Variants in PIK3R6 observed in about 807,000 individuals in gnomAD.
PIK3R6 encodes the protein phosphoinositide-3-kinase regulatory subunit 6.
In PIK3R6, 91 loss-of-function variants were observed where a neutral mutation model predicts 84.9. The ratio of observed to expected loss-of-function variants is 1.07; its 90% CI spans 0.90 to 1.28. PIK3R6 has a LOEUF of 1.28. Among genes scored for constraint, PIK3R6 ranks in the 50% most tolerant of loss-of-function variants. PIK3R6 has a pLI of 0.00. For missense variants in PIK3R6, 996 were observed against 985.1 expected, an observed-to-expected ratio of 1.01 and a Z score of -0.15; for synonymous variants, 416 against 411.4, an observed-to-expected ratio of 1.01 and a Z score of -0.13.
chr17:8,822,800 G>T, intron 15 of PIK3R6, 143 bp from the exon 16 acceptor site: 3 of 997,568 alleles, frequency 3.0e-6, no homozygotes, highest in South Asian at 1.5e-5. Context: ...ACCTCCGGGG[G>T]CCAGGATGCC....
At chr17:8,810,296 T>G (rs1460152162) in intron 18 of PIK3R6, among the ~76,000 whole-genome samples, 1 of 147,636 alleles carries the variant, frequency 6.8e-6, no homozygotes, top group Non-Finnish European at 1.5e-5. Context: ...GAAAGACCTG[T>G]CCCCATGATT....
intron 1 of PIK3R6, among the ~76,000 whole-genome samples, chr17:8,852,685 G>C (rs987244323): frequency 2.0e-5 from 3 of 149,762 alleles, no homozygotes; most frequent in African/African-American, 7.5e-5. Context: ...GTTGTAGTGA[G>C]TCAAGATGTC....
At chr17:8,838,078 G>A (rs1394279151) in intron 4 of PIK3R6, among the ~76,000 whole-genome samples, 3 of 152,142 alleles carry the variant, frequency 2.0e-5, no homozygotes, top group Non-Finnish European at 2.9e-5. Flanking sequence ...TGGGAGCGTG[G>A]GGGGGCCTCA....
At chr17:8,804,007 C>G (rs2087123204) in intron 19 of PIK3R6, 34 bp downstream of exon 19, 1 of 1,569,266 alleles carries the variant, frequency 6.4e-7, no homozygotes, top group Non-Finnish European at 8.8e-7. Flanking sequence ...TCCCACGGGC[C>G]CTGGACATCT....
At chr17:8,820,556 G>T (rs1044262804) in intron 17 of PIK3R6, among the ~76,000 whole-genome samples, 2 of 152,212 alleles carry the variant, frequency 1.3e-5, no homozygotes, top group African/African-American at 4.8e-5. Context: ...CCACTTCTAG[G>T]TTAAGAGCTA....
intron 3 of PIK3R6, among the ~76,000 whole-genome samples, chr17:8,838,988 G>C (rs567753811): frequency 1.8e-4 from 27 of 152,344 alleles, no homozygotes; most frequent in African/African-American, 4.1e-4. Context: ...CATTCTGGAA[G>C]TCCTGCAGGC....
At chr17:8,827,764 GAGAGAGA>G (rs2087986446) in intron 12 of PIK3R6, among the ~76,000 whole-genome samples, 1 of 5,000 alleles carries the variant, frequency 2.0e-4, no homozygotes, top group African/African-American at 1.2e-3. Context: ...AGAGAGAGAG[GAGAGAGA>G]GAGAGAGAGA....
In PIK3R6 at chr17:8,821,859, G is replaced by C. The variant is rs970919540; in HGVS notation, c.1866C>G (p.Ala622=). The C allele has an allele frequency of 1.9e-6, 3 of 1,595,506 alleles. No homozygotes were observed. Among genetic ancestry groups the C allele is most frequent in the African/African-American group, 1.3e-5 (1 of 74,548 alleles). ...ATGLILKAIP[A]SDTEVSGSSH... is the part of the protein sequence containing the mutation. ...CCCATTCCTCACCTTCTGTGTCGCT[G>C]GCTGGAATGGCCTTCAGGATCAGCC... The change falls in exon 17 of 20, where the codon GCC becomes GCG. Residue 622 remains alanine, a synonymous_variant. Transcript: ENST00000619866.
rs1410517976 is a variant in PIK3R6, at chr17:8,839,220, C to A, written c.97+394G>T. Among the ~76,000 whole-genome samples, 1 of 152,028 alleles carries A rather than the reference C, an allele frequency of 6.6e-6. No individual in the cohort carries two copies. Among genetic ancestry groups the A allele is most frequent in the Non-Finnish European group, 1.5e-5 (1 of 68,014 alleles). On this transcript the variant is annotated intron_variant, in intron 3 of 19. Coordinates refer to ENST00000619866, the MANE Select transcript of PIK3R6 (RefSeq NM_001010855.4). The surrounding 1 kb of genome is among the most constrained non-coding windows in gnomAD (Gnocchi z 4.2). ...AAAATTAGCAGGGCATGGTGGCACA[C>A]GCCTGTAATCTCAGCTACTTGGGAG...
intron 18 of PIK3R6, among the ~76,000 whole-genome samples, chr17:8,812,825 T>C (rs991786092): frequency 6.6e-6 from 1 of 152,090 alleles, no homozygotes; most frequent in Non-Finnish European, 1.5e-5. Context: ...AATAACCTAA[T>C]GTTGCATGTC....
chr17:8,864,529 CTTTTTTTTTT>C (rs35714531), intron 1 of PIK3R6, among the ~76,000 whole-genome samples: 7 of 65,544 alleles, frequency 1.1e-4, no homozygotes, highest in African/African-American at 2.8e-4. Flanking sequence ...CTTCACAGCT[CTTTTTTTTTT>C]TTTTTTTTTT....
At chr17:8,832,720 A>G (rs1360545310) in intron 9 of PIK3R6, among the ~76,000 whole-genome samples, 169 bp downstream of exon 9, 2 of 151,986 alleles carry the variant, frequency 1.3e-5, no homozygotes, top group African/African-American at 4.8e-5. Flanking sequence ...CCCGCCTCTT[A>G]GTCCCGGTCC....
Position 8,837,390 on chromosome 17 carries a change from A to G in PIK3R6, c.258+413T>C, listed in dbSNP as rs534627485. The stretch of plus-strand genomic sequence containing the variant: ...TCCGTCTCTGCCGGAGCTAAGCCCC[A>G]TCTTGACCCTGGACTCTCCAGCAAC... On this transcript the variant is annotated intron_variant, in intron 5 of 19. Coordinates refer to ENST00000619866, the MANE Select transcript of PIK3R6 (RefSeq NM_001010855.4). Among the ~76,000 whole-genome samples, 8 of 152,076 alleles carry G rather than the reference A, an allele frequency of 5.3e-5. No individual in the cohort carries two copies. The South Asian group carries it at 1.7e-3, about 32-fold the overall frequency.
At chr17:8,833,973 G>A (rs1467237349) in intron 8 of PIK3R6, among the ~76,000 whole-genome samples, 2 of 151,530 alleles carry the variant, frequency 1.3e-5, no homozygotes, top group South Asian at 2.1e-4. Flanking sequence ...TGGAGACCAC[G>A]GTGAAACCCC....
intron 5 of PIK3R6, among the ~76,000 whole-genome samples, chr17:8,837,405 T>C (rs1971906945): frequency 6.6e-6 from 1 of 152,008 alleles, no homozygotes; most frequent in African/African-American, 2.4e-5. Context: ...GACCCTGGAC[T>C]CTCCAGCAAC....
At chr17:8,817,069 A>G (rs1005986573) in intron 18 of PIK3R6, among the ~76,000 whole-genome samples, 2 of 152,256 alleles carry the variant, frequency 1.3e-5, no homozygotes, top group African/African-American at 4.8e-5. Flanking sequence ...AAATACTGAC[A>G]TATGCTTAAT....
rs1249722994 is a variant in PIK3R6 at position 8,828,139 on chromosome 17, G to A, written c.1365C>T (p.Leu455=). Residue 455 remains leucine, a synonymous_variant, in exon 12 of 20, where the codon CTC becomes CTT. Transcript: ENST00000619866. ...CAGGCGCCAGCACGGGGATGTAGTA[G>A]AGCTGCAGGCTGAGTCTGGGAGTGA... The part of the protein sequence containing the change: ...FCLTPRLSLQ[L]YYIPVLAPEK... The A allele has an allele frequency of 6.2e-7, 1 of 1,613,864 alleles. No individual in the cohort carries two copies. The highest frequency in any genetic ancestry group is 1.3e-5 in the African/African-American group (1 of 74,934).
At chr17:8,857,464 CTCT>C (rs1273840538) in intron 1 of PIK3R6, among the ~76,000 whole-genome samples, 1 of 88,270 alleles carries the variant, frequency 1.1e-5, no homozygotes, top group Non-Finnish European at 3.1e-5. Context: ...CAGAACCCCC[CTCT>C]GTCTTTGTGA....
chr17:8,816,606 T>C (rs1021335840), intron 18 of PIK3R6, among the ~76,000 whole-genome samples: 5 of 152,160 alleles, frequency 3.3e-5, no homozygotes, highest in African/African-American at 7.2e-5. Context: ...GTCCTCACAC[T>C]ACAAAATAGG....
Sources: gnomAD v4.1 joint callset for allele counts (sites outside exome capture counted in the v4.1 genomes callset) on GRCh38, gnomAD v4.1.1 for gene constraint, Gnocchi (gnomAD v3.1) non-coding constraint, MANE v1.5 for transcripts, NCBI Gene and HGNC (gene_info 2026-07-23, HGNC 2026-07-21) for gene names.